The following RSPH14 variants were observed in gnomAD, a reference collection of about 807,000 sequenced individuals.
The protein encoded by RSPH14 is rhabdoid tumor deletion region gene 1.
RSPH14 carries 20 observed loss-of-function variants against 26.7 expected under a neutral mutation model. That is an observed-to-expected ratio of 0.75 (90% CI 0.53 to 1.09). The LOEUF (loss-of-function observed/expected upper bound fraction) is 1.09, where lower values mean the gene tolerates loss of function less well. Ranked by LOEUF, RSPH14 falls within the 50% of genes least tolerant of loss-of-function variation. The pLI is 0.00. For synonymous variants in RSPH14, 177 were observed against 189.3 expected, an observed-to-expected ratio of 0.93 and a Z score of 0.53; for missense variants, 449 against 457.2, an observed-to-expected ratio of 0.98 and a Z score of 0.16.
At chr22:23,174,542 G>T in the RSPH14 span, among the ~76,000 whole-genome samples, 9 of 152,184 alleles carry the variant, frequency 5.9e-5, no homozygotes, top group African/African-American at 9.7e-5. Flanking sequence ...ACATAATATG[G>T]ATTGGGGATG....
chr22:23,153,528 T>A, the RSPH14 span: 1 of 979,690 alleles, frequency 1.0e-6, no homozygotes, highest in Non-Finnish European at 1.2e-6. Context: ...TTCCCACCTG[T>A]AAAATGGGGT....
intron 4 of RSPH14, among the ~76,000 whole-genome samples, chr22:23,127,828 C>T (rs553971678): frequency 3.3e-5 from 5 of 152,326 alleles, no homozygotes; most frequent in South Asian, 4.1e-4. Context: ...ATTTCACCCG[C>T]GGCACCCTCC....
chr22:23,145,129 T>A, upstream of RSPH14: 1 of 580,598 alleles, frequency 1.7e-6, no homozygotes, highest in Non-Finnish European at 3.1e-6. Flanking sequence ...CATCAGGAGC[T>A]CTTATGCCAT....
At chr22:23,143,412 T>C (rs1168669454), upstream of RSPH14, among the ~76,000 whole-genome samples, 1 of 152,122 alleles carries the variant, frequency 6.6e-6, no homozygotes, top group East Asian at 1.9e-4. Flanking sequence ...TAAAGATTCC[T>C]CTAGGAGCGG....
chr22:23,116,305 A>G (rs1481323519), intron 4 of RSPH14, among the ~76,000 whole-genome samples: 2 of 152,236 alleles, frequency 1.3e-5, no homozygotes, highest in African/African-American at 4.8e-5. Flanking sequence ...GCAGAGGGAA[A>G]AAGACACCTG....
intron 4 of RSPH14, chr22:23,070,363 C>CGGCGGGCGGCGGGCGGCGCGGGAG (rs1450403640): frequency 2.8e-5 from 4 of 142,562 alleles, no homozygotes; most frequent in African/African-American, 1.0e-4. Flanking sequence ...TGGCGGCGGG[C>CGGCGGGCGGCGGGCGGCGCGGGAG]GGCGGGCGGC....
chr22:23,127,801 T>C (rs2070222476), intron 4 of RSPH14, among the ~76,000 whole-genome samples: 1 of 152,132 alleles, frequency 6.6e-6, no homozygotes, highest in Non-Finnish European at 1.5e-5. Flanking sequence ...ATGACTTGGA[T>C]CAAACTGCAT....
At chr22:23,163,806 C>G in the RSPH14 span, 13 of 152,346 alleles carry the variant, frequency 8.5e-5, no homozygotes, top group African/African-American at 2.9e-4. Flanking sequence ...AGAGTGAGCT[C>G]CTTCTGGACA....
chr22:23,144,270 C>A (rs117632799), upstream of RSPH14, among the ~76,000 whole-genome samples: 31,450 of 152,034 alleles, frequency 0.21, 3,811 homozygotes, highest in Middle Eastern at 0.31. Flanking sequence ...CTCTGCTTCC[C>A]GCAGTGGACT....
At chr22:23,168,239 G>A in the RSPH14 span, among the ~76,000 whole-genome samples, 1 of 152,208 alleles carries the variant, frequency 6.6e-6, no homozygotes, top group Non-Finnish European at 1.5e-5. Flanking sequence ...GTCCACACAG[G>A]CAGGGCTAGA....
At chr22:23,070,865 GCGCCGGGGATGCCGCGCGGGGC>G (rs900341654) in intron 4 of RSPH14, 4 of 152,130 alleles carry the variant, frequency 2.6e-5, no homozygotes, top group Non-Finnish European at 5.9e-5. Context: ...TGGACAGAGG[GCGCCGGGGATGCCGCGCGGGGC>G]CGCCGGGCGC....
intron 4 of RSPH14, among the ~76,000 whole-genome samples, chr22:23,115,631 G>A (rs890997872): frequency 7.2e-5 from 11 of 152,202 alleles, no homozygotes; most frequent in African/African-American, 2.7e-4. Flanking sequence ...TGATGCCTCG[G>A]TGACCCCTAA....
the RSPH14 span, chr22:23,150,101 C>T: frequency 1.9e-6 from 3 of 1,612,560 alleles, no homozygotes; most frequent in African/African-American, 1.3e-5. Context: ...TCAGGGAGCA[C>T]TTCCACGGGC....
At chr22:23,169,420 G>A in the RSPH14 span, among the ~76,000 whole-genome samples, 3 of 152,256 alleles carry the variant, frequency 2.0e-5, no homozygotes, top group African/African-American at 7.2e-5. Flanking sequence ...CCAAGTGGGT[G>A]GGGACAGGGG....
intron 4 of RSPH14, among the ~76,000 whole-genome samples, chr22:23,089,977 G>A (rs1239206097): frequency 6.6e-6 from 1 of 152,260 alleles, no homozygotes; most frequent in East Asian, 1.9e-4. Context: ...CCAGCATGTC[G>A]AACCTGGTGC....
the RSPH14 span, among the ~76,000 whole-genome samples, chr22:23,152,746 C>T: frequency 6.6e-6 from 1 of 152,202 alleles, no homozygotes; most frequent in East Asian, 1.9e-4. Context: ...TGGCGCTTGT[C>T]AGACTGTCCC....
intron 4 of RSPH14, among the ~76,000 whole-genome samples, chr22:23,109,961 A>T (rs2069599928): frequency 6.6e-6 from 1 of 152,198 alleles, no homozygotes; most frequent in Non-Finnish European, 1.5e-5. Context: ...ACAGGAGCTC[A>T]CTGAGTCATT....
At chr22:23,152,645 G>A in the RSPH14 span, 4 of 1,003,272 alleles carry the variant, frequency 4.0e-6, no homozygotes, top group East Asian at 1.0e-4. Flanking sequence ...AGGAACTGCT[G>A]TGCCTCAGCC....
At chr22:23,145,286 G>T, upstream of RSPH14, 1 of 998,502 alleles carries the variant, frequency 1.0e-6, no homozygotes, top group Non-Finnish European at 1.4e-6. Flanking sequence ...TTGTTGTCAT[G>T]GTGATCTCCG....
Sources: gnomAD v4.1 joint callset for allele counts (sites outside exome capture counted in the v4.1 genomes callset) on GRCh38, gnomAD v4.1.1 for gene constraint, MANE v1.5 for transcripts, NCBI Gene and HGNC (gene_info 2026-07-23, HGNC 2026-07-21) for gene names.